CNDP1: variants seen among roughly 807,000 people sequenced by gnomAD.
CNDP1 encodes the protein carnosine dipeptidase 1, also known as beta-Ala-His dipeptidase.
CNDP1 carries 44 observed loss-of-function variants against 58.1 expected under a neutral mutation model. The observed-to-expected ratio is 0.76, with a 90% confidence interval of 0.60 to 0.97. CNDP1 has a LOEUF of 0.97. Ranked by LOEUF, CNDP1 falls within the 50% of genes least tolerant of loss-of-function variation. The probability of loss-of-function intolerance (pLI) is 0.00; values close to 1 mark genes in which losing one functional copy is unlikely to be tolerated. For synonymous variants in CNDP1, 254 were observed against 252.6 expected (o/e 1.01, Z -0.05); for missense variants, 616 against 655.1 (o/e 0.94, Z 0.65).
chr18:74,549,546 G>A (rs893729710), intron 1 of CNDP1, among the ~76,000 whole-genome samples: 1 of 152,222 alleles, frequency 6.6e-6, no homozygotes, highest in African/African-American at 2.4e-5. Flanking sequence ...TAAAAGGAAA[G>A]CAGAGCATAA....
intron 1 of CNDP1, among the ~76,000 whole-genome samples, chr18:74,536,106 T>C (rs937492216): frequency 1.3e-5 from 2 of 152,232 alleles, no homozygotes; most frequent in Non-Finnish European, 2.9e-5. Flanking sequence ...GAAGAGATTG[T>C]ACTATATATT....
intron 1 of CNDP1, among the ~76,000 whole-genome samples, chr18:74,541,307 T>C (rs912115303): frequency 6.6e-6 from 1 of 152,192 alleles, no homozygotes; most frequent in Non-Finnish European, 1.5e-5. Flanking sequence ...CCCCTGAGCG[T>C]GCACTGTCTA....
At chr18:74,574,204 C>T (rs548045404) in intron 7 of CNDP1, among the ~76,000 whole-genome samples, 1 of 152,222 alleles carries the variant, frequency 6.6e-6, no homozygotes, top group Admixed American at 6.5e-5. Flanking sequence ...TCTGTCTCTG[C>T]TGTGATCATG....
Position 74,584,306 on chromosome 18 carries a change from T to TTAA in CNDP1, c.1458-179_1458-177dup, listed in dbSNP as rs1411277629. The TTAA allele has an allele frequency of 1.7e-5, 10 of 575,262 alleles. No homozygotes were observed. In the Admixed American group the frequency reaches 1.8e-4, roughly 10 times the overall value. 35.6% of individuals were successfully genotyped at this position (575,262 alleles called of 1,614,324 possible). On this transcript the variant is annotated intron_variant, in intron 11 of 11. Coordinates refer to ENST00000358821, the MANE Select transcript of CNDP1 (RefSeq NM_032649.6). Reference sequence around the variant, plus strand: ...GAGTCTAGGACTGATTCTCATCTTCTTAATAATAATAATGCAATTTTCACA... The same window carrying TTAA: ...GAGTCTAGGACTGATTCTCATCTTCTTAATAATAATAATAATGCAATTTTCACA...
intron 1 of CNDP1, among the ~76,000 whole-genome samples, chr18:74,551,588 G>T (rs1320376244): frequency 5.3e-5 from 8 of 152,222 alleles, no homozygotes; most frequent in African/African-American, 1.9e-4. Flanking sequence ...GGAAGATGAA[G>T]TCGTGCACTT....
In CNDP1 at chr18:74,561,017, C is replaced by T. The variant is rs147743167; in HGVS notation, c.465C>T (p.Asp155=). The change falls in exon 4 of 12, where the codon GAC becomes GAT. Residue 155 remains aspartate (D), a splice_region_variant and synonymous_variant. Coordinates refer to ENST00000358821, the MANE Select transcript of CNDP1 (RefSeq NM_032649.6). ...LTDPYVLTEV[D]GKLYGRGATD... is the part of the protein sequence containing the mutation. ...ACCCCTATGTGCTGACGGAGGTAGA[C>T]GGTCAGTGAGGCGCCCGGGCTACAG... 41 of 1,610,878 alleles carry T rather than the reference C, an allele frequency of 2.5e-5. No homozygotes were observed. Among genetic ancestry groups the T allele is most frequent in the South Asian group, 2.1e-4 (19 of 91,034 alleles).
intron 1 of CNDP1, among the ~76,000 whole-genome samples, chr18:74,551,253 C>T (rs1156603833): frequency 6.7e-6 from 1 of 148,550 alleles, no homozygotes; most frequent in Non-Finnish European, 1.5e-5. Context: ...AACTGTGAGC[C>T]AATTAACCCT....
chr18:74,565,281 C>T (rs1214279209), intron 5 of CNDP1, among the ~76,000 whole-genome samples: 1 of 152,134 alleles, frequency 6.6e-6, no homozygotes, highest in African/African-American at 2.4e-5. Flanking sequence ...CATATCATTC[C>T]ACCCCTGGCC....
chr18:74,564,776 C>G (rs552802059), intron 5 of CNDP1, among the ~76,000 whole-genome samples: 14 of 152,286 alleles, frequency 9.2e-5, no homozygotes, highest in African/African-American at 3.4e-4. Flanking sequence ...CGAGCATTAC[C>G]TTGAATTCTC....
chr18:74,559,505 G>T, intron 3 of CNDP1, 33 bp downstream of exon 3: 2 of 1,582,524 alleles, frequency 1.3e-6, no homozygotes, highest in Non-Finnish European at 1.7e-6. Context: ...TGAGGGAGGT[G>T]CTACTTCTAG....
At chr18:74,584,086 T>C in intron 11 of CNDP1, 1 of 297,674 alleles carries the variant, frequency 3.4e-6, no homozygotes, top group Non-Finnish European at 6.3e-6. Context: ...GGGTTAGGGG[T>C]TCAACACAGG....
At chr18:74,565,345 C>G (rs775612603) in intron 5 of CNDP1, among the ~76,000 whole-genome samples, 11 of 152,174 alleles carry the variant, frequency 7.2e-5, no homozygotes, top group Non-Finnish European at 8.8e-5. Flanking sequence ...TCCCAATAGT[C>G]CCCCAAAGTC....
Position 74,584,658 on chromosome 18 carries a change from G to T in CNDP1, c.*96G>T. 6 of 919,088 alleles carry T rather than the reference G, an allele frequency of 6.5e-6. No homozygotes were observed. The South Asian group carries it at 6.7e-5, about 10-fold the overall frequency. 56.9% of individuals were successfully genotyped at this position (919,088 alleles called of 1,614,324 possible). ...GAATGTAAATATCCAGAGAATTTGG[G>T]TCTAGTATAGTACATTTTCCCTTCC... On this transcript the variant is annotated 3_prime_UTR_variant, in exon 12 of 12. Coordinates refer to ENST00000358821, the MANE Select transcript of CNDP1 (RefSeq NM_032649.6).
chr18:74,559,440 C>G lies in CNDP1; in HGVS notation c.271C>G (p.Arg91Gly), dbSNP rs142614958. The G allele has an allele frequency of 2.6e-5, 42 of 1,611,106 alleles. No homozygotes were observed. Among genetic ancestry groups the G allele is most frequent in the Non-Finnish European group, 3.1e-5 (37 of 1,179,964 alleles). The change falls in exon 3 of 12, where the codon CGT becomes GGT. Residue 91 changes from arginine (R) to glycine (G), a missense_variant. Arg to Gly is a moderately radical substitution (Grantham distance 125, BLOSUM62 -2). Transcript: ENST00000358821. ...AADTLQRLGA[R>G]VASVDMGPQQ... ...GGACACGCTGCAGCGCCTGGGGGCC[C>G]GTGTGGCCTCGGTGGACATGGGTCC...
At chr18:74,564,245 T>C (rs11876996) in intron 5 of CNDP1, among the ~76,000 whole-genome samples, 46,450 of 151,946 alleles carry the variant, frequency 0.31, 7,361 homozygotes, top group East Asian at 0.53. Flanking sequence ...GAGTTCTGCA[T>C]GCATCCTGTG....
chr18:74,551,739 A>T (rs1296979045), intron 1 of CNDP1, among the ~76,000 whole-genome samples: 1 of 152,130 alleles, frequency 6.6e-6, no homozygotes, highest in East Asian at 1.9e-4. Flanking sequence ...TTCTCTCCTA[A>T]CAACAATCAT....
intron 1 of CNDP1, among the ~76,000 whole-genome samples, chr18:74,541,683 CCTCCCCAGCCCCTT>C (rs1355193481): frequency 6.6e-6 from 1 of 152,166 alleles, no homozygotes; most frequent in African/African-American, 2.4e-5. Context: ...GCCCTGAGGT[CCTCCCCAGCCCCTT>C]CGTCCCAGCC....
intron 7 of CNDP1, among the ~76,000 whole-genome samples, chr18:74,573,715 A>G (rs1406238044): frequency 6.6e-6 from 1 of 152,132 alleles, no homozygotes; most frequent in Non-Finnish European, 1.5e-5. Context: ...TTAGGAGCAC[A>G]TTTTGCTCTT....
chr18:74,587,079 G>C lies in CNDP1; in HGVS notation c.*2517G>C, dbSNP rs557760373. 6.6e-6 allele frequency: 1 copy of C among 152,200 alleles called. No individual in the cohort carries two copies. The highest frequency in any genetic ancestry group is 6.5e-5 in the Admixed American group (1 of 15,276). 9.4% of individuals were successfully genotyped at this position (152,200 alleles called of 1,614,324 possible). Reference sequence around the variant, plus strand: ...GTTAGTAGACGTAGCGCATTAAAGCGTAACTATTGTGATAAGTTTAGGGGT... The same window carrying C: ...GTTAGTAGACGTAGCGCATTAAAGCCTAACTATTGTGATAAGTTTAGGGGT... On this transcript the variant is annotated 3_prime_UTR_variant, in exon 12 of 12. Transcript: ENST00000358821.
Sources: allele counts gnomAD v4.1 joint callset (sites outside exome capture counted in the v4.1 genomes callset), GRCh38; gene constraint gnomAD v4.1.1; transcripts MANE v1.5; gene names NCBI Gene and HGNC (gene_info 2026-07-23, HGNC 2026-07-21).